Variants in COG5 observed in about 807,000 individuals in gnomAD.
The protein encoded by COG5 is component of oligomeric golgi complex 5, also known as conserved oligomeric Golgi complex subunit 5.
Under a neutral mutation model 110.4 loss-of-function variants are expected in COG5, and 86 were observed. The ratio of observed to expected loss-of-function variants is 0.78; its 90% CI spans 0.65 to 0.93. COG5 has a LOEUF of 0.93. Among genes scored for constraint, COG5 ranks in the 40% least tolerant of loss-of-function variants. The pLI is 0.00. For missense variants in COG5, 1,077 were observed against 987.0 expected, an observed-to-expected ratio of 1.09 and a Z score of -1.22; for synonymous variants, 360 against 334.6, an observed-to-expected ratio of 1.08 and a Z score of -0.83.
At chr7:107,305,196 T>C (rs1401864633) in intron 11 of COG5, among the ~76,000 whole-genome samples, 1 of 152,150 alleles carries the variant, frequency 6.6e-6, no homozygotes, top group African/African-American at 2.4e-5. Flanking sequence ...GGACATGGAA[T>C]AGATTATCCT....
intron 2 of COG5, among the ~76,000 whole-genome samples, chr7:107,556,849 C>T (rs928472540): frequency 6.6e-6 from 1 of 151,978 alleles, no homozygotes; most frequent in African/African-American, 2.4e-5. Flanking sequence ...CGGCTCCCTG[C>T]AAGCTCCAAC....
At chr7:107,436,253 A>G (rs1264739745) in intron 6 of COG5, among the ~76,000 whole-genome samples, 1 of 152,246 alleles carries the variant, frequency 6.6e-6, no homozygotes, top group East Asian at 1.9e-4. Context: ...ATATACATAC[A>G]GCGAATTATT....
chr7:107,531,454 T>C (rs1203379050), intron 5 of COG5, among the ~76,000 whole-genome samples: 1 of 120,042 alleles, frequency 8.3e-6, no homozygotes, highest in African/African-American at 2.7e-5. Context: ...TTCTGTCATT[T>C]TGTATTTATA....
chr7:107,297,964 A>T (rs1806900516), intron 12 of COG5, among the ~76,000 whole-genome samples, 178 bp downstream of exon 12: 2 of 152,180 alleles, frequency 1.3e-5, no homozygotes, highest in Non-Finnish European at 1.5e-5. Flanking sequence ...CTAAGGGTGA[A>T]AAATTGACTT....
chr7:107,252,400 G>C (rs1030084836), intron 16 of COG5, among the ~76,000 whole-genome samples: 1 of 152,142 alleles, frequency 6.6e-6, no homozygotes, highest in South Asian at 2.1e-4. Flanking sequence ...TTAATGTGTA[G>C]TTATAAGCCT....
intron 12 of COG5, 147 bp from the exon 13 acceptor site, chr7:107,283,879 C>T (rs911404950): frequency 2.4e-5 from 15 of 635,744 alleles, no homozygotes; most frequent in African/African-American, 1.1e-4. Context: ...TGTTTCACAA[C>T]GTACATATTT....
chr7:107,214,647 C>T (rs1042764259), intron 19 of COG5, among the ~76,000 whole-genome samples: 1 of 152,102 alleles, frequency 6.6e-6, no homozygotes, highest in Non-Finnish European at 1.5e-5. Flanking sequence ...CAAGGCCAGG[C>T]ACAGTGACTC....
At chr7:107,252,372 C>G (rs1318710097) in intron 16 of COG5, among the ~76,000 whole-genome samples, 1 of 152,124 alleles carries the variant, frequency 6.6e-6, no homozygotes, top group Non-Finnish European at 1.5e-5. Flanking sequence ...ACAAATAGCC[C>G]TTTCTCTATT....
chr7:107,426,547 T>A (rs1793654122), intron 6 of COG5, among the ~76,000 whole-genome samples: 1 of 152,182 alleles, frequency 6.6e-6, no homozygotes, highest in Non-Finnish European at 1.5e-5. Context: ...TAGGCTTGTA[T>A]CCTCATATGG....
chr7:107,401,472 G>A (rs1272924989), intron 7 of COG5, among the ~76,000 whole-genome samples: 1 of 152,026 alleles, frequency 6.6e-6, no homozygotes, highest in Non-Finnish European at 1.5e-5. Context: ...TCCACATCAG[G>A]TCTCCATTAA....
chr7:107,329,858 G>A (rs2129030232), intron 10 of COG5, among the ~76,000 whole-genome samples: 1 of 152,278 alleles, frequency 6.6e-6, no homozygotes, highest in Middle Eastern at 3.4e-3. Context: ...TCACATCACT[G>A]CAATCCAGCC....
chr7:107,387,332 G>A (rs1001537406), intron 7 of COG5, among the ~76,000 whole-genome samples: 5 of 152,160 alleles, frequency 3.3e-5, no homozygotes, highest in Non-Finnish European at 5.9e-5. Flanking sequence ...GGCAGGAGGT[G>A]CAAACGGGAA....
rs74525825 is a variant in COG5, at chr7:107,393,433, T to A, written c.669+19069A>T. ...CCCGTGATCAATAACACCTTATGAG[T>A]AAATATTGCTTCCAGCTATTAAAAA... On this transcript the variant is annotated intron_variant, in intron 7 of 21. Coordinates refer to ENST00000297135, the MANE Select transcript of COG5 (RefSeq NM_006348.5). 5.3e-3 allele frequency among the ~76,000 whole-genome samples: 805 copies of A among 152,350 alleles called. 9 individuals are homozygous for A. Among genetic ancestry groups the A allele is most frequent in the African/African-American group, 0.019 (783 of 41,578 alleles).
chr7:107,298,996 T>G (rs1048294568), intron 11 of COG5, among the ~76,000 whole-genome samples: 1 of 152,156 alleles, frequency 6.6e-6, no homozygotes, highest in African/African-American at 2.4e-5. Context: ...AACGAAAATT[T>G]TAACGCAACA....
At chr7:107,494,463 A>AC (rs1259859145) in intron 6 of COG5, among the ~76,000 whole-genome samples, 2 of 152,182 alleles carry the variant, frequency 1.3e-5, no homozygotes, top group Non-Finnish European at 2.9e-5. Context: ...AGCCACAGTG[A>AC]CCTTAGCATA....
intron 6 of COG5, 76 bp downstream of exon 6, chr7:107,527,159 CAA>C (rs2129156697): frequency 7.4e-7 from 1 of 1,346,736 alleles, no homozygotes; most frequent in South Asian, 1.4e-5. Flanking sequence ...ATGGTGATAA[CAA>C]AAGTCAACCA....
rs112148053 is a variant in COG5 at position 107,323,454 on chromosome 7, C to T, written c.1108+986G>A. ...GCTGAGGCAGGAGAATTGCTTGAAC[C>T]CAGAAGGCAGAGGCAGCAGTGAGCC... On this transcript the variant is annotated intron_variant, in intron 11 of 21. Coordinates refer to ENST00000297135, the MANE Select transcript of COG5 (RefSeq NM_006348.5). 5.9e-5 allele frequency among the ~76,000 whole-genome samples: 9 copies of T among 152,190 alleles called. 3 individuals are homozygous for T. The highest frequency in any genetic ancestry group is 2.2e-4 in the African/African-American group (9 of 41,508).
intron 10 of COG5, among the ~76,000 whole-genome samples, chr7:107,356,647 T>C (rs193189469): frequency 3.3e-5 from 5 of 152,274 alleles, no homozygotes; most frequent in East Asian, 3.9e-4. Context: ...AAGTCTGTTA[T>C]AGACAGATTC....
chr7:107,446,985 T>G (rs539260311), intron 6 of COG5, among the ~76,000 whole-genome samples: 1 of 152,354 alleles, frequency 6.6e-6, no homozygotes, highest in South Asian at 2.1e-4. Context: ...CTCTGGGTGT[T>G]GCAAACCTGA....
Sources: gnomAD v4.1 joint callset for allele counts (sites outside exome capture counted in the v4.1 genomes callset) on GRCh38, gnomAD v4.1.1 for gene constraint, MANE v1.5 for transcripts, NCBI Gene and HGNC (gene_info 2026-07-23, HGNC 2026-07-21) for gene names.